RAPGEF2: variants seen among roughly 807,000 people sequenced by gnomAD.
The protein encoded by RAPGEF2 is PDZ domain containing guanine nucleotide exchange factor (GEF) 1.
A neutral mutation model predicts 186.7 loss-of-function variants in RAPGEF2; 54 were observed. That is an observed-to-expected ratio of 0.29 (90% confidence interval 0.23 to 0.36). The LOEUF (loss-of-function observed/expected upper bound fraction) is 0.36. Among genes scored for constraint, RAPGEF2 ranks in the 10% least tolerant of loss-of-function variants. The pLI is 1.00. For synonymous variants in RAPGEF2, 712 were observed against 705.9 expected, an observed-to-expected ratio of 1.01 and a Z score of -0.14; for missense variants, 1,532 against 2,045.0, an observed-to-expected ratio of 0.75 and a Z score of 4.84.
Position 159,253,992 on chromosome 4 carries a change from C to T in RAPGEF2, c.543+10201C>T, listed in dbSNP as rs115210580. On this transcript the variant is annotated intron_variant, in intron 7 of 29. Transcript: ENST00000691494. ...TGAAAAAAAGGTGCCAGTTCACTTA[C>T]GACTGGAATAATTGCACGTCTTTTC... is the stretch of plus-strand genomic sequence containing the variant. Among the ~76,000 whole-genome samples, 1,219 of 152,246 alleles carry T rather than the reference C, an allele frequency of 8.0e-3. 15 individuals carry two copies. Among genetic ancestry groups the T allele is most frequent in the African/African-American group, 0.028 (1,145 of 41,554 alleles).
At chr4:159,335,127 C>A (rs751170673) in intron 17 of RAPGEF2, among the ~76,000 whole-genome samples, 19 of 151,642 alleles carry the variant, frequency 1.3e-4, no homozygotes, top group Admixed American at 3.3e-4. Context: ...TGAGTTTTTT[C>A]CTCAAACTTT....
chr4:159,120,851 TAAA>T, intron 1 of RAPGEF2, among the ~76,000 whole-genome samples: 1 of 152,072 alleles, frequency 6.6e-6, no homozygotes, highest in Admixed American at 6.6e-5. Context: ...TTTTAATTTT[TAAA>T]TTATTTTATT....
Position 159,104,223 on chromosome 4 carries a change from ACC to A in RAPGEF2, c.66_67del (p.Gln23GlyfsTer24). ...QAVMKNPPER[T>X]PQDLEIVYSY... ...GGTGATGAAGAATCCCCCCGAAAGGACCCCCCAGGTGAGAACGCGGCGGCCGC... is the reference window on the plus strand; with the variant it reads ...GGTGATGAAGAATCCCCCCGAAAGGACCCCAGGTGAGAACGCGGCGGCCGC... On this transcript the variant is annotated frameshift_variant, in exon 1 of 30. Transcript: ENST00000691494. LOFTEE classifies it high-confidence loss of function. 1.0e-6 allele frequency: 1 copy of A among 1,003,744 alleles called. No homozygotes were observed. The highest frequency in any genetic ancestry group is 1.3e-6 in the Non-Finnish European group (1 of 785,442). The allele number at this position is 1,003,744 out of a possible 1,614,324, so 62.2% of individuals were successfully genotyped here. A position where few individuals can be genotyped will look rare whatever the true frequency, so the allele number is the denominator to read the frequency against.
Position 159,179,736 on chromosome 4 carries a change from G to A in RAPGEF2, c.70-6906G>A, listed in dbSNP as rs1746819110. On this transcript the variant is annotated intron_variant, in intron 1 of 29. Transcript: ENST00000691494. Reference sequence around the variant, plus strand: ...GGAGTGACCACTATGGGCAGGAAAGGAGTGGGGGTAGCTCCTGGGCAGGGC... The same window carrying A: ...GGAGTGACCACTATGGGCAGGAAAGAAGTGGGGGTAGCTCCTGGGCAGGGC... Among the ~76,000 whole-genome samples the A allele has an allele frequency of 2.0e-5, 3 of 152,194 alleles. No individual in the cohort carries two copies. In the East Asian group the frequency reaches 5.8e-4, roughly 29 times the overall value.
rs190042268 is a variant in RAPGEF2 at position 159,235,176 on chromosome 4, G to T, written c.282-3633G>T. Among the ~76,000 whole-genome samples the T allele has an allele frequency of 3.7e-3, 563 of 152,218 alleles. 3 individuals are homozygous for T. Among genetic ancestry groups the T allele is most frequent in the African/African-American group, 0.013 (539 of 41,522 alleles). ...TTTTCCCCTTAGAAACTCTTCCAGGGTAATACCCTTTTATAGATTTGATTT... is the reference window on the plus strand; with the variant it reads ...TTTTCCCCTTAGAAACTCTTCCAGGTTAATACCCTTTTATAGATTTGATTT... On this transcript the variant is annotated intron_variant, in intron 4 of 29. Transcript: ENST00000691494.
intron 1 of RAPGEF2, among the ~76,000 whole-genome samples, chr4:159,132,670 C>G (rs1010350225): frequency 6.6e-6 from 1 of 152,114 alleles, no homozygotes. Flanking sequence ...CTATTTCTCA[C>G]ACTCCTTATT....
At chr4:159,333,133 C>G (rs1231002832) in intron 17 of RAPGEF2, among the ~76,000 whole-genome samples, 1 of 152,058 alleles carries the variant, frequency 6.6e-6, no homozygotes, top group Admixed American at 6.6e-5. Context: ...ATGCCTGCCA[C>G]TGCACCCGGC....
intron 4 of RAPGEF2, chr4:159,229,549 A>G (rs1752398898): frequency 6.6e-6 from 1 of 152,212 alleles, no homozygotes; most frequent in African/African-American, 2.4e-5. Flanking sequence ...TCACATTCCC[A>G]AACTTTCATG....
At chr4:159,167,183 C>A (rs1745413864) in intron 1 of RAPGEF2, among the ~76,000 whole-genome samples, 1 of 152,128 alleles carries the variant, frequency 6.6e-6, no homozygotes, top group South Asian at 2.1e-4. Context: ...GTTGAAAACT[C>A]CTACGTGGTT....
At chr4:159,268,987 T>C (rs1188278093) in intron 7 of RAPGEF2, among the ~76,000 whole-genome samples, 1 of 152,228 alleles carries the variant, frequency 6.6e-6, no homozygotes, top group African/African-American at 2.4e-5. Flanking sequence ...CGCATAAATT[T>C]AGACAGCCTG....
At chr4:159,158,653 C>T (rs953579287) in intron 1 of RAPGEF2, among the ~76,000 whole-genome samples, 1 of 152,106 alleles carries the variant, frequency 6.6e-6, no homozygotes, top group African/African-American at 2.4e-5. Flanking sequence ...AAAAAAAGTT[C>T]AGAGATGACT....
At chr4:159,272,697 C>T (rs570097592) in intron 7 of RAPGEF2, among the ~76,000 whole-genome samples, 2 of 152,170 alleles carry the variant, frequency 1.3e-5, no homozygotes, top group Admixed American at 6.5e-5. Flanking sequence ...GGAAGAATAA[C>T]ATGTGAGGGC....
Position 159,306,221 on chromosome 4 carries a change from G to A in RAPGEF2, c.675+1748G>A, listed in dbSNP as rs142388985. Among the ~76,000 whole-genome samples the A allele has an allele frequency of 3.9e-5, 6 of 152,118 alleles. No homozygotes were observed. In the East Asian group the frequency reaches 5.8e-4, roughly 15 times the overall value. On this transcript the variant is annotated intron_variant, in intron 8 of 29. Coordinates refer to ENST00000691494, the MANE Select transcript of RAPGEF2 (RefSeq NM_001394067.2). ...TTCAATCTGTATATTGCTTTAGGCA[G>A]TATGGTCATTTTAATGATATTAATT...
chr4:159,257,842 A>C (rs890453136), intron 7 of RAPGEF2, among the ~76,000 whole-genome samples: 5 of 152,168 alleles, frequency 3.3e-5, no homozygotes, highest in Middle Eastern at 3.4e-3. Flanking sequence ...GTATAATTTG[A>C]AGTCAGGGTA....
intron 1 of RAPGEF2, among the ~76,000 whole-genome samples, chr4:159,117,481 T>C (rs1739170144): frequency 6.6e-6 from 1 of 152,218 alleles, no homozygotes; most frequent in African/African-American, 2.4e-5. Flanking sequence ...GTGGTTTAAA[T>C]CTACATCCCA....
At chr4:159,354,800 T>G (rs1731717700) in intron 28 of RAPGEF2, among the ~76,000 whole-genome samples, 1 of 152,234 alleles carries the variant, frequency 6.6e-6, no homozygotes, top group African/African-American at 2.4e-5. Flanking sequence ...TGAAAGCTAT[T>G]GCTGCTGCTG....
At chr4:159,211,353 C>T (rs904726219) in intron 4 of RAPGEF2, among the ~76,000 whole-genome samples, 4 of 152,094 alleles carry the variant, frequency 2.6e-5, no homozygotes, top group African/African-American at 2.4e-5. Context: ...TCAGTAGTTA[C>T]GTTTCTGTGT....
intron 3 of RAPGEF2, among the ~76,000 whole-genome samples, chr4:159,201,757 G>T (rs1434664555): frequency 6.6e-6 from 1 of 152,190 alleles, no homozygotes; most frequent in Admixed American, 6.5e-5. Flanking sequence ...GAGGGTGTTG[G>T]TGAGACCGCA....
At chr4:159,188,626 C>T (rs375157030) in intron 2 of RAPGEF2, among the ~76,000 whole-genome samples, 27 of 145,994 alleles carry the variant, frequency 1.8e-4, no homozygotes, top group African/African-American at 6.3e-4. Context: ...ATCGCACCAC[C>T]GCACTCCAGC....
Sources: gnomAD v4.1 joint callset for allele counts (sites outside exome capture counted in the v4.1 genomes callset) on GRCh38, gnomAD v4.1.1 for gene constraint, MANE v1.5 for transcripts, NCBI Gene and HGNC (gene_info 2026-07-23, HGNC 2026-07-21) for gene names.